OR51B5: variants seen among roughly 807,000 people sequenced by gnomAD.
OR51B5 encodes olfactory receptor 51B5.
For synonymous variants in OR51B5, 186 were observed against 144.8 expected, an observed-to-expected ratio of 1.28 and a Z score of -2.04; for missense variants, 456 against 374.6, an observed-to-expected ratio of 1.22 and a Z score of -1.79.
At chr11:5,379,460 T>C (rs193257772) in intron 1 of OR51B5, among the ~76,000 whole-genome samples, 1 of 143,340 alleles carries the variant, frequency 7.0e-6, no homozygotes, top group African/African-American at 2.6e-5. Context: ...TAAAGTATAA[T>C]AATAATAATA....
intron 1 of OR51B5, among the ~76,000 whole-genome samples, chr11:5,467,606 G>C (rs111898161): frequency 0.012 from 1,784 of 152,288 alleles, 39 homozygotes; most frequent in African/African-American, 0.04. Context: ...GGCCTGGGTT[G>C]TGTCTTCTTG....
chr11:5,444,535 G>A lies in OR51B5; in HGVS notation n.84+61034C>T, dbSNP rs1284897166. On this transcript the variant is annotated intron_variant and non_coding_transcript_variant, in intron 1 of 4. Transcript: ENST00000415970. ...AGGGTTAAAGGCTGCCTGGAATTTT[G>A]GCAAAAGTGTTAAAATTTAGAATAA... Among the ~76,000 whole-genome samples the A allele has an allele frequency of 2.6e-5, 4 of 152,204 alleles. No individual in the cohort carries two copies. The East Asian group carries it at 7.7e-4, about 29-fold the overall frequency.
chr11:5,354,775 G>T (rs879883173), intron 1 of OR51B5: 3 of 189,046 alleles, frequency 1.6e-5, no homozygotes, highest in South Asian at 9.8e-5. Flanking sequence ...CCAGAAGCCA[G>T]GGAAAGCTGC....
In OR51B5 at chr11:5,489,660, A is replaced by G. The variant is rs781347910; in HGVS notation, n.84+15909T>C. The G allele has an allele frequency of 3.7e-6, 6 of 1,601,358 alleles. 1 individual carries two copies. In the South Asian group the frequency reaches 6.6e-5, roughly 18 times the overall value. On this transcript the variant is annotated intron_variant and non_coding_transcript_variant, in intron 1 of 4. Transcript: ENST00000415970. ...TGCTTCACCTGGGGAAGACTTCAAT[A>G]TGAATGCTGAGCAGAAGTTGGAGAT...
At chr11:5,344,397 C>CTCATTT (rs1848957555), upstream of OR51B5, among the ~76,000 whole-genome samples, 1 of 152,192 alleles carries the variant, frequency 6.6e-6, no homozygotes, top group South Asian at 2.1e-4. Flanking sequence ...TCTGACCTCT[C>CTCATTT]TCATTTCAAG....
At chr11:5,478,560 T>C (rs1390064461) in intron 1 of OR51B5, among the ~76,000 whole-genome samples, 1 of 150,268 alleles carries the variant, frequency 6.7e-6, no homozygotes, top group Admixed American at 6.6e-5. Flanking sequence ...ATCAAATTAC[T>C]CTGAGCTACG....
intron 1 of OR51B5, among the ~76,000 whole-genome samples, chr11:5,400,967 A>C (rs975510662): frequency 6.6e-6 from 1 of 152,204 alleles, no homozygotes; most frequent in African/African-American, 2.4e-5. Flanking sequence ...TTCGTGTGTG[A>C]ATAGGTAAGC....
At chr11:5,384,583 A>T (rs750790991) in intron 1 of OR51B5, among the ~76,000 whole-genome samples, 1 of 152,212 alleles carries the variant, frequency 6.6e-6, no homozygotes, top group Non-Finnish European at 1.5e-5. Flanking sequence ...TCCCTGGATC[A>T]TGTCTAGAAG....
intron 1 of OR51B5, among the ~76,000 whole-genome samples, chr11:5,444,231 A>T (rs1047329143): frequency 4.6e-5 from 6 of 129,558 alleles, no homozygotes; most frequent in African/African-American, 1.5e-4. Flanking sequence ...TGACAACTAC[A>T]TTGTTAAATG....
chr11:5,405,115 A>T (rs1479155952), intron 1 of OR51B5, among the ~76,000 whole-genome samples: 1 of 152,214 alleles, frequency 6.6e-6, no homozygotes, highest in Admixed American at 6.5e-5. Context: ...ATTTAAAATG[A>T]TGTAAAGCGT....
chr11:5,378,175 A>G (rs1372069362), intron 1 of OR51B5, among the ~76,000 whole-genome samples: 1 of 151,930 alleles, frequency 6.6e-6, no homozygotes, highest in Non-Finnish European at 1.5e-5. Context: ...CAACTATCTG[A>G]TCTTTGAAAA....
chr11:5,392,869 G>C (rs892480502), intron 1 of OR51B5: 1 of 152,090 alleles, frequency 6.6e-6, no homozygotes, highest in Non-Finnish European at 1.5e-5. Flanking sequence ...CCGAGATCGT[G>C]CCACTGCACT....
Position 5,358,018 on chromosome 11 carries a change from A to G in OR51B5, n.85-11108T>C, listed in dbSNP as rs1299198361. Among the ~76,000 whole-genome samples the G allele has an allele frequency of 3.3e-5, 5 of 152,018 alleles. 1 individual carries two copies. The highest frequency in any genetic ancestry group is 7.4e-5 in the Non-Finnish European group (5 of 67,976). On this transcript the variant is annotated intron_variant and non_coding_transcript_variant, in intron 1 of 4. Transcript: ENST00000415970. Reference sequence around the variant, plus strand: ...TGTGTAGAGGGAAATTTATAGCACTAAACGCCCAGAAGAGAAAGCAGGAAA... The same window carrying G: ...TGTGTAGAGGGAAATTTATAGCACTGAACGCCCAGAAGAGAAAGCAGGAAA...
At chr11:5,373,508 A>C (rs1367840579) in intron 1 of OR51B5, among the ~76,000 whole-genome samples, 3 of 152,174 alleles carry the variant, frequency 2.0e-5, no homozygotes, top group African/African-American at 4.8e-5. Context: ...ACCATGCACC[A>C]GCCGAAGCAG....
chr11:5,454,395 A>AT, intron 1 of OR51B5: 1 of 1,608,298 alleles, frequency 6.2e-7, no homozygotes, highest in Non-Finnish European at 8.5e-7. Flanking sequence ...CCGCCGAGCC[A>AT]TTTTCCGCAT....
intron 1 of OR51B5, among the ~76,000 whole-genome samples, chr11:5,401,286 C>A (rs1053968910): frequency 6.6e-6 from 1 of 152,184 alleles, no homozygotes; most frequent in African/African-American, 2.4e-5. Context: ...TCTTTGAGAA[C>A]TGTTGAGTCA....
chr11:5,474,885 T>A (rs1274533368), intron 1 of OR51B5, among the ~76,000 whole-genome samples: 1 of 152,132 alleles, frequency 6.6e-6, no homozygotes, highest in Non-Finnish European at 1.5e-5. Context: ...GAGAGTAAGT[T>A]TGGGGTGGTA....
At chr11:5,478,484 A>G (rs1294970041) in intron 1 of OR51B5, among the ~76,000 whole-genome samples, 2 of 152,130 alleles carry the variant, frequency 1.3e-5, no homozygotes, top group Non-Finnish European at 1.5e-5. Flanking sequence ...GCAGTTCCTC[A>G]CCAGCAACGG....
intron 1 of OR51B5, among the ~76,000 whole-genome samples, chr11:5,470,306 C>T (rs953540702): frequency 6.6e-6 from 1 of 152,134 alleles, no homozygotes; most frequent in Non-Finnish European, 1.5e-5. Context: ...ATCACTTCTT[C>T]CCCCCGAGGA....
Sources: allele counts gnomAD v4.1 joint callset (sites outside exome capture counted in the v4.1 genomes callset), GRCh38; gene constraint gnomAD v4.1.1; transcripts MANE v1.5; gene names NCBI Gene and HGNC (gene_info 2026-07-23, HGNC 2026-07-21).